Variants in SEMA3A observed in about 807,000 individuals in gnomAD.
SEMA3A encodes the protein semaphorin 3A, also known as semaphorin-3A.
A neutral mutation model predicts 97.9 loss-of-function variants in SEMA3A; 29 were observed. That is an observed-to-expected ratio of 0.30 (90% CI 0.22 to 0.40). SEMA3A has a LOEUF of 0.40. SEMA3A is among the 10% of genes least tolerant of loss of function. The pLI, the probability that SEMA3A is intolerant of heterozygous loss-of-function variation, is 1.00. For missense variants in SEMA3A, 763 were observed against 951.3 expected (o/e 0.80, Z 2.60); for synonymous variants, 321 against 323.7 (o/e 0.99, Z 0.09).
chr7:84,006,338 A>G (rs189660731), intron 10 of SEMA3A, among the ~76,000 whole-genome samples: 173 of 152,158 alleles, frequency 1.1e-3, no homozygotes, highest in Non-Finnish European at 1.5e-3. Context: ...ACATAATGCT[A>G]AAAAAGTACC....
chr7:84,056,903 G>T (rs1031553100), intron 5 of SEMA3A, among the ~76,000 whole-genome samples: 5 of 152,080 alleles, frequency 3.3e-5, no homozygotes, highest in African/African-American at 1.2e-4. Context: ...ATATATTAAA[G>T]AATTACACAA....
At position 83,985,971 on chromosome 7, in the gene SEMA3A, C is replaced by T. The variant is rs534459133; in HGVS notation, c.1453-494G>A. On this transcript the variant is annotated intron_variant, in intron 12 of 16. Coordinates refer to ENST00000265362, the MANE Select transcript of SEMA3A (RefSeq NM_006080.3). ...CTGGCGAAGAAGTAGCAATAACTTG[C>T]GATAAGCAGGATGGGGATATATGGT... 3.3e-5 allele frequency among the ~76,000 whole-genome samples: 5 copies of T among 152,236 alleles called. No individual in the cohort carries two copies. In the East Asian group the frequency reaches 5.8e-4, roughly 18 times the overall value.
intron 3 of SEMA3A, among the ~76,000 whole-genome samples, chr7:84,279,983 G>A (rs184453375): frequency 5.0e-4 from 76 of 152,178 alleles, no homozygotes; most frequent in Non-Finnish European, 4.4e-5. Context: ...CTGCAGCTTC[G>A]AACTCCAGGG....
At chr7:84,259,804 A>G (rs1182950332) in intron 3 of SEMA3A, among the ~76,000 whole-genome samples, 2 of 150,584 alleles carry the variant, frequency 1.3e-5, no homozygotes. Context: ...AACAAAAAAC[A>G]ACACACGCAC....
chr7:84,337,971 T>C (rs1415874609), intron 2 of SEMA3A, among the ~76,000 whole-genome samples: 1 of 152,044 alleles, frequency 6.6e-6, no homozygotes, highest in Non-Finnish European at 1.5e-5. Flanking sequence ...GGACAGAAAG[T>C]CTTATCAAAG....
chr7:84,327,416 G>A (rs1315653250), intron 2 of SEMA3A, among the ~76,000 whole-genome samples: 1 of 151,682 alleles, frequency 6.6e-6, no homozygotes, highest in Non-Finnish European at 1.5e-5. Flanking sequence ...AAGGGAGGTA[G>A]TGGGAGAAAG....
At chr7:84,150,723 T>A (rs1018210388) in intron 1 of SEMA3A, among the ~76,000 whole-genome samples, 1 of 152,204 alleles carries the variant, frequency 6.6e-6, no homozygotes, top group Middle Eastern at 3.4e-3. Context: ...AAGCTGGAAC[T>A]GGGTGGAGCC....
chr7:84,412,557 A>G (rs539126491), intron 1 of SEMA3A, among the ~76,000 whole-genome samples: 1 of 152,180 alleles, frequency 6.6e-6, no homozygotes, highest in Non-Finnish European at 1.5e-5. Flanking sequence ...GAAATGGTTC[A>G]AAGTAATAGG....
intron 3 of SEMA3A, among the ~76,000 whole-genome samples, chr7:84,281,179 G>T (rs1800430865): frequency 1.3e-5 from 2 of 152,120 alleles, no homozygotes; most frequent in Admixed American, 1.3e-4. Context: ...TGTGAGTGAA[G>T]GTTCATCTCT....
intron 15 of SEMA3A, among the ~76,000 whole-genome samples, chr7:83,969,071 A>G (rs1048914878): frequency 1.3e-5 from 2 of 151,906 alleles, no homozygotes; most frequent in Non-Finnish European, 2.9e-5. Flanking sequence ...TCAGCCTCCC[A>G]AGGTGCTGGG....
chr7:84,195,297 C>T (rs1331624504), upstream of SEMA3A: 1 of 152,164 alleles, frequency 6.6e-6, no homozygotes, highest in African/African-American at 2.4e-5. Flanking sequence ...CTTCCCAAGG[C>T]AAGCGTTGTT....
intron 3 of SEMA3A, among the ~76,000 whole-genome samples, chr7:84,223,715 A>G (rs192057750): frequency 1.2e-3 from 186 of 151,938 alleles, no homozygotes; most frequent in Non-Finnish European, 2.3e-3. Flanking sequence ...TGAAACCAAT[A>G]TAGGGAATAA....
intron 3 of SEMA3A, among the ~76,000 whole-genome samples, chr7:84,272,956 T>A (rs1800189613): frequency 6.6e-6 from 1 of 152,100 alleles, no homozygotes; most frequent in African/African-American, 2.4e-5. Context: ...TGAGAATATA[T>A]CTATCTTCTT....
At chr7:84,075,566 C>G (rs975977030) in intron 4 of SEMA3A, among the ~76,000 whole-genome samples, 19 of 149,240 alleles carry the variant, frequency 1.3e-4, no homozygotes, top group African/African-American at 4.7e-4. Context: ...TCAAGTGATT[C>G]TGCTGCCTCA....
At chr7:84,036,785 A>G (rs1791956227) in intron 6 of SEMA3A, among the ~76,000 whole-genome samples, 1 of 152,096 alleles carries the variant, frequency 6.6e-6, no homozygotes. Flanking sequence ...TTTACGGACA[A>G]CCATATGGTC....
chr7:84,225,412 T>C (rs1798966457), intron 3 of SEMA3A, among the ~76,000 whole-genome samples: 1 of 152,078 alleles, frequency 6.6e-6, no homozygotes, highest in Non-Finnish European at 1.5e-5. Flanking sequence ...CCAGTTTATC[T>C]ATTTAGAGAA....
chr7:84,300,440 A>G (rs1158088216), intron 3 of SEMA3A, among the ~76,000 whole-genome samples: 1 of 152,108 alleles, frequency 6.6e-6, no homozygotes, highest in African/African-American at 2.4e-5. Context: ...CAGTGATAAA[A>G]ATAAAATTCT....
intron 3 of SEMA3A, among the ~76,000 whole-genome samples, chr7:84,298,991 T>A (rs972991569): frequency 6.6e-6 from 1 of 152,006 alleles, no homozygotes; most frequent in African/African-American, 2.4e-5. Context: ...AGACTCCAAG[T>A]TCTTCAGCTT....
At chr7:84,174,937 T>G (rs978999766) in intron 1 of SEMA3A, among the ~76,000 whole-genome samples, 120 of 152,340 alleles carry the variant, frequency 7.9e-4, no homozygotes, top group African/African-American at 2.8e-3. Context: ...AGCAGTAATT[T>G]ATAGCAAGAA....
Sources: allele counts gnomAD v4.1 joint callset (sites outside exome capture counted in the v4.1 genomes callset), GRCh38; gene constraint gnomAD v4.1.1; transcripts MANE v1.5; gene names NCBI Gene and HGNC (gene_info 2026-07-23, HGNC 2026-07-21).